FNDC3B: variants seen among roughly 807,000 people sequenced by gnomAD.
FNDC3B encodes the protein fibronectin type III domain containing 3B.
In FNDC3B, 12 loss-of-function variants were observed where a neutral mutation model predicts 151.5. The ratio of observed to expected loss-of-function variants is 0.08; its 90% CI spans 0.05 to 0.13. The LOEUF (loss-of-function observed/expected upper bound fraction) is 0.13, where lower values mean the gene tolerates loss of function less well. Ranked by LOEUF, FNDC3B falls within the 10% of genes least tolerant of loss-of-function variation. FNDC3B has a pLI of 1.00. For synonymous variants in FNDC3B, 528 were observed against 549.0 expected (o/e 0.96, Z 0.54); for missense variants, 1,214 against 1,505.3 (o/e 0.81, Z 3.20).
intron 7 of FNDC3B, among the ~76,000 whole-genome samples, chr3:172,290,905 G>A (rs1730292499): frequency 6.6e-6 from 1 of 152,042 alleles, no homozygotes; most frequent in Admixed American, 6.6e-5. Flanking sequence ...TTTCCTTAGT[G>A]TACTCTTTAA....
At chr3:172,041,399 T>C (rs1396774303) in intron 1 of FNDC3B, among the ~76,000 whole-genome samples, 1 of 149,194 alleles carries the variant, frequency 6.7e-6, no homozygotes, top group African/African-American at 2.5e-5. Flanking sequence ...CTTTCTTTCT[T>C]TCTCCTTCTC....
At chr3:172,280,709 GA>G (rs35489104) in intron 6 of FNDC3B, among the ~76,000 whole-genome samples, 5,512 of 152,252 alleles carry the variant, frequency 0.036, 345 homozygotes, top group African/African-American at 0.13. Flanking sequence ...GAAAAAATGT[GA>G]AATAAACCAA....
At chr3:172,342,957 T>C (rs1733411259) in intron 17 of FNDC3B, 54 bp from the exon 18 acceptor site, 1 of 1,092,694 alleles carries the variant, frequency 9.2e-7, no homozygotes, top group Non-Finnish European at 1.4e-6. Context: ...TATGTAGAGG[T>C]CTGATAAATT....
chr3:172,131,022 TGTA>T (rs1232815991), intron 2 of FNDC3B, among the ~76,000 whole-genome samples: 1 of 152,222 alleles, frequency 6.6e-6, no homozygotes, highest in Non-Finnish European at 1.5e-5. Flanking sequence ...TTTCTTCCAT[TGTA>T]GTTTTTATAT....
chr3:172,226,996 T>C (rs1375018236), intron 4 of FNDC3B, 49 bp downstream of exon 4: 16 of 1,218,806 alleles, frequency 1.3e-5, no homozygotes, highest in Non-Finnish European at 1.8e-5. Context: ...CTGTCGTTGC[T>C]CCAACAGAAT....
At chr3:172,183,968 G>A (rs1724049332) in intron 3 of FNDC3B, among the ~76,000 whole-genome samples, 1 of 152,180 alleles carries the variant, frequency 6.6e-6, no homozygotes, top group African/African-American at 2.4e-5. Flanking sequence ...ATGGCTAGAT[G>A]TGTAACCTCC....
chr3:172,263,721 A>G (rs532774425), intron 6 of FNDC3B, among the ~76,000 whole-genome samples: 1 of 150,556 alleles, frequency 6.6e-6, no homozygotes, highest in African/African-American at 2.4e-5. Flanking sequence ...TCTTCATTTC[A>G]TTGAAGAATT....
intron 1 of FNDC3B, among the ~76,000 whole-genome samples, chr3:172,066,305 A>G (rs1351188371): frequency 6.6e-6 from 1 of 152,228 alleles, no homozygotes; most frequent in Non-Finnish European, 1.5e-5. Flanking sequence ...CATTTTAGGC[A>G]TTAGAGCATC....
chr3:172,330,537 A>T lies in FNDC3B; in HGVS notation c.1380-4A>T. The T allele has an allele frequency of 6.2e-7, 1 of 1,609,182 alleles. No homozygotes were observed. ...ACTGTGTGCCTCACTTTCTTTCTCT[A>T]CAGTGGTTATAGCCAAGAGGTGGTG... On this transcript the variant is annotated splice_region_variant and splice_polypyrimidine_tract_variant and intron_variant, in intron 12 of 25. Coordinates refer to ENST00000415807, the MANE Select transcript of FNDC3B (RefSeq NM_022763.4).
intron 1 of FNDC3B, among the ~76,000 whole-genome samples, chr3:172,049,320 A>T (rs1716518141): frequency 6.6e-6 from 1 of 152,034 alleles, no homozygotes; most frequent in Non-Finnish European, 1.5e-5. Context: ...AACTGACTTA[A>T]ATTTAAGAGG....
intron 3 of FNDC3B, among the ~76,000 whole-genome samples, chr3:172,156,154 A>G (rs1722474475): frequency 6.6e-6 from 1 of 152,216 alleles, no homozygotes; most frequent in Admixed American, 6.5e-5. Context: ...CTTTGTTTAA[A>G]TGAAACTTCA....
At chr3:172,376,977 G>A (rs1735180871) in intron 23 of FNDC3B, among the ~76,000 whole-genome samples, 1 of 152,168 alleles carries the variant, frequency 6.6e-6, no homozygotes, top group South Asian at 2.1e-4. Flanking sequence ...AAAAGCTGCT[G>A]CCCTGCTTCA....
chr3:172,207,872 G>A (rs572052262), intron 3 of FNDC3B, among the ~76,000 whole-genome samples: 10 of 152,290 alleles, frequency 6.6e-5, no homozygotes, highest in South Asian at 4.1e-4. Context: ...ACTTGAATCC[G>A]AGAGAAGGAG....
chr3:172,256,377 T>C (rs1380003517), intron 6 of FNDC3B, among the ~76,000 whole-genome samples: 1 of 152,172 alleles, frequency 6.6e-6, no homozygotes, highest in Non-Finnish European at 1.5e-5. Flanking sequence ...TCTCTTCCTC[T>C]CCCAGCATTT....
chr3:172,068,253 C>A (rs1375198703), intron 1 of FNDC3B, among the ~76,000 whole-genome samples: 1 of 152,116 alleles, frequency 6.6e-6, no homozygotes, highest in African/African-American at 2.4e-5. Flanking sequence ...GATGCTCTGC[C>A]GAGTGAATGG....
intron 3 of FNDC3B, among the ~76,000 whole-genome samples, chr3:172,169,585 A>G (rs1253495244): frequency 1.3e-5 from 2 of 152,078 alleles, no homozygotes; most frequent in Non-Finnish European, 2.9e-5. Context: ...ATTAAAAACC[A>G]CTCCATGGAT....
chr3:172,185,723 A>G (rs990591317), intron 3 of FNDC3B, among the ~76,000 whole-genome samples: 3 of 152,242 alleles, frequency 2.0e-5, no homozygotes, highest in Admixed American at 6.5e-5. Flanking sequence ...AAACAGGCCA[A>G]TGGAATCTGT....
chr3:172,362,840 C>T lies in FNDC3B; in HGVS notation c.3003C>T (p.Asn1001=). The T allele has an allele frequency of 6.2e-7, 1 of 1,612,230 alleles. No individual in the cohort carries two copies. Among genetic ancestry groups the T allele is most frequent in the Non-Finnish European group, 8.5e-7 (1 of 1,178,872 alleles). ...IVYTLQLEDR[N]KRFISIYRGP... is the part of the protein sequence containing the mutation. ...ACACACTACAGCTGGAGGACAGAAA[C>T]AAGAGGTGAGGTGGGGGTGAGGATG... Residue 1001 remains asparagine (N), a synonymous_variant, in exon 23 of 26, where the codon AAC becomes AAT. Transcript: ENST00000415807.
intron 21 of FNDC3B, among the ~76,000 whole-genome samples, chr3:172,348,316 T>G (rs1733703072): frequency 6.6e-6 from 1 of 152,250 alleles, no homozygotes; most frequent in Non-Finnish European, 1.5e-5. Flanking sequence ...ACTTAATTTT[T>G]CAGATCAACT....
Sources: gnomAD v4.1 joint callset for allele counts (sites outside exome capture counted in the v4.1 genomes callset) on GRCh38, gnomAD v4.1.1 for gene constraint, MANE v1.5 for transcripts, NCBI Gene and HGNC (gene_info 2026-07-23, HGNC 2026-07-21) for gene names.